Variants in ATG16L1 observed in about 807,000 individuals in gnomAD.
ATG16L1 encodes autophagy-related protein 16-1.
In ATG16L1, 37 loss-of-function variants were observed where a neutral mutation model predicts 88.5. The ratio of observed to expected loss-of-function variants is 0.42; its 90% CI spans 0.32 to 0.55. The LOEUF (loss-of-function observed/expected upper bound fraction) is 0.55, where lower values mean the gene tolerates loss of function less well. Among genes scored for constraint, ATG16L1 ranks in the 20% least tolerant of loss-of-function variants. The pLI, the probability that ATG16L1 is intolerant of heterozygous loss-of-function variation, is 0.13. For synonymous variants in ATG16L1, 301 were observed against 281.0 expected (o/e 1.07, Z -0.71); for missense variants, 554 against 752.8 (o/e 0.74, Z 3.09).
At chr2:233,282,241 G>T (rs936494796) in intron 11 of ATG16L1, among the ~76,000 whole-genome samples, 12 of 152,180 alleles carry the variant, frequency 7.9e-5, no homozygotes, top group African/African-American at 2.9e-4. Context: ...GATGCAGAAG[G>T]CCCAGGTGGG....
chr2:233,288,226 G>T (rs1479335860), intron 12 of ATG16L1, among the ~76,000 whole-genome samples: 1 of 152,088 alleles, frequency 6.6e-6, no homozygotes, highest in Non-Finnish European at 1.5e-5. Flanking sequence ...TGCTAAAGTG[G>T]AGTTAACCCC....
At chr2:233,291,253 C>G (rs1319497601) in intron 14 of ATG16L1, among the ~76,000 whole-genome samples, 2 of 152,118 alleles carry the variant, frequency 1.3e-5, no homozygotes, top group Non-Finnish European at 2.9e-5. Context: ...CTCATGGTTC[C>G]TGGACACCAC....
chr2:233,273,028 T>A lies in ATG16L1; in HGVS notation c.770T>A (p.Val257Glu). The change falls in exon 7 of 18, where the codon GTG becomes GAG. Residue 257 changes from valine to glutamate, a missense_variant. By Grantham distance (121) the Val-to-Glu change is moderately radical. Coordinates refer to ENST00000392017, the MANE Select transcript of ATG16L1 (RefSeq NM_030803.7). ...TSDHTEETSP[V>E]RAISRAATKR... Reference sequence around the variant, plus strand: ...GATCACACAGAAGAGACCTCTCCTGTGCGAGCCATCAGCAGAGCAGCCACG... The same window carrying A: ...GATCACACAGAAGAGACCTCTCCTGAGCGAGCCATCAGCAGAGCAGCCACG... 6.2e-7 allele frequency: 1 copy of A among 1,614,030 alleles called. No homozygotes were observed. Among genetic ancestry groups the A allele is most frequent in the Non-Finnish European group, 8.5e-7 (1 of 1,179,968 alleles).
At chr2:233,257,136 T>C (rs1388802038) in intron 2 of ATG16L1, among the ~76,000 whole-genome samples, 3 of 152,152 alleles carry the variant, frequency 2.0e-5, no homozygotes, top group Non-Finnish European at 2.9e-5. Context: ...TTCAAGCCAT[T>C]CTCCTGCCTC....
chr2:233,268,766 TC>T (rs1483064957), intron 5 of ATG16L1, among the ~76,000 whole-genome samples: 4 of 152,334 alleles, frequency 2.6e-5, no homozygotes, highest in African/African-American at 9.6e-5. Flanking sequence ...TTTTTCATCT[TC>T]CAGGTATAAA....
chr2:233,267,434 C>A (rs532341562), intron 5 of ATG16L1, among the ~76,000 whole-genome samples: 1 of 149,256 alleles, frequency 6.7e-6, no homozygotes, highest in Admixed American at 6.7e-5. Context: ...TGTTTTCATA[C>A]AGATGATCCC....
At chr2:233,271,719 C>T (rs1434540718) in intron 6 of ATG16L1, among the ~76,000 whole-genome samples, 1 of 152,248 alleles carries the variant, frequency 6.6e-6, no homozygotes, top group Non-Finnish European at 1.5e-5. Context: ...GTACTTAAAA[C>T]CATAAAATTC....
chr2:233,294,023 G>A (rs1030976842), intron 17 of ATG16L1, among the ~76,000 whole-genome samples: 1 of 152,212 alleles, frequency 6.6e-6, no homozygotes, highest in Non-Finnish European at 1.5e-5. Context: ...GACTGCCAGA[G>A]GGGCCAAACT....
chr2:233,271,675 T>A (rs1464760027), intron 6 of ATG16L1, among the ~76,000 whole-genome samples: 1 of 152,230 alleles, frequency 6.6e-6, no homozygotes, highest in East Asian at 1.9e-4. Context: ...ATGCTAGTGT[T>A]TTCTTGTGGT....
intron 12 of ATG16L1, among the ~76,000 whole-genome samples, chr2:233,284,104 A>G (rs1574891982): frequency 6.6e-6 from 1 of 151,218 alleles, no homozygotes. Context: ...TCGGCCTCCC[A>G]AAGTGCTGGG....
At chr2:233,255,186 G>A (rs530552131) in intron 1 of ATG16L1, among the ~76,000 whole-genome samples, 4 of 152,154 alleles carry the variant, frequency 2.6e-5, no homozygotes, top group Middle Eastern at 3.4e-3. Flanking sequence ...GGCTGTTCTC[G>A]AACTCCTGAC....
rs374605637 is a variant in ATG16L1, at chr2:233,263,096, A to T, written c.210-34A>T. ...TCATTTTTCCCCCTCCGTTTTTTGC[A>T]CATTCTCTTCATCTGCCTGGTTTGC... On this transcript the variant is annotated intron_variant, in intron 2 of 17. Coordinates refer to ENST00000392017, the MANE Select transcript of ATG16L1 (RefSeq NM_030803.7). The T allele has an allele frequency of 3.6e-5, 57 of 1,590,070 alleles. 1 individual carries two copies. The highest frequency in any genetic ancestry group is 4.7e-5 in the Non-Finnish European group (54 of 1,160,570).
In ATG16L1 at chr2:233,294,443, A is replaced by G. The variant is rs901524105; in HGVS notation, c.*93A>G. ...TGTCCTGGCAGGTGATGTGCTGGGT[A>G]TAGCATGGACCTCCCAGAGAAGCTC... is the stretch of plus-strand genomic sequence containing the variant. On this transcript the variant is annotated 3_prime_UTR_variant, in exon 18 of 18. Coordinates refer to ENST00000392017, the MANE Select transcript of ATG16L1 (RefSeq NM_030803.7). 3 of 966,630 alleles carry G rather than the reference A, an allele frequency of 3.1e-6. No homozygotes were observed. The highest frequency in any genetic ancestry group is 3.0e-5 in the South Asian group (2 of 67,442). 59.9% of individuals were successfully genotyped at this position (966,630 alleles called of 1,614,324 possible).
At chr2:233,285,848 G>T (rs1433604318) in intron 12 of ATG16L1, among the ~76,000 whole-genome samples, 3 of 152,184 alleles carry the variant, frequency 2.0e-5, no homozygotes, top group East Asian at 3.9e-4. Flanking sequence ...TACGACAAGG[G>T]AATGGTGTTG....
intron 12 of ATG16L1, among the ~76,000 whole-genome samples, chr2:233,289,376 G>GGTGTGTGTGT (rs757994844): frequency 3.1e-4 from 17 of 55,310 alleles, no homozygotes; most frequent in Non-Finnish European, 5.1e-4. Flanking sequence ...TCCTGTTTGG[G>GGTGTGTGTGT]ATGTGTGTGT....
At chr2:233,261,243 C>T (rs1465249696) in intron 2 of ATG16L1, among the ~76,000 whole-genome samples, 1 of 152,220 alleles carries the variant, frequency 6.6e-6, no homozygotes, top group Admixed American at 6.5e-5. Flanking sequence ...GCTTGAGCCA[C>T]CGCTCCCGGC....
At chr2:233,293,413 C>T in intron 17 of ATG16L1, 56 bp downstream of exon 17, 4 of 1,480,410 alleles carry the variant, frequency 2.7e-6, no homozygotes, top group East Asian at 2.3e-5. Context: ...CCTTTGACTT[C>T]ATCTCAGGGG....
chr2:233,292,276 A>T lies in ATG16L1; in HGVS notation c.1579A>T (p.Ser527Cys). 6.2e-7 allele frequency: 1 copy of T among 1,614,216 alleles called. No homozygotes were observed. Among genetic ancestry groups the T allele is most frequent in the Non-Finnish European group, 8.5e-7 (1 of 1,180,036 alleles). Residue 527 changes from serine (S) to cysteine (C), a missense_variant and splice_region_variant, in exon 15 of 18, where the codon AGT becomes TGT. Transcript: ENST00000392017. ...AACAAATGCTATCAAGCAGACATTC[A>T]GGTAACTGAAGATGTGCTGGTTGCA... ...LRTNAIKQTF[S>C]APGFKCGSDW...
intron 6 of ATG16L1, among the ~76,000 whole-genome samples, chr2:233,272,545 C>G (rs963855503): frequency 1.3e-5 from 2 of 152,194 alleles, no homozygotes; most frequent in East Asian, 1.9e-4. Context: ...CCTAACTACC[C>G]TAGGTACCCC....
Sources: allele counts gnomAD v4.1 joint callset (sites outside exome capture counted in the v4.1 genomes callset), GRCh38; gene constraint gnomAD v4.1.1; transcripts MANE v1.5; gene names NCBI Gene and HGNC (gene_info 2026-07-23, HGNC 2026-07-21).